TMEM94: variants seen among roughly 807,000 people sequenced by gnomAD.
TMEM94 encodes the protein transmembrane protein 94.
TMEM94 carries 81 observed loss-of-function variants against 158.6 expected under a neutral mutation model. The ratio of observed to expected loss-of-function variants is 0.51; its 90% CI spans 0.43 to 0.61. TMEM94 has a LOEUF of 0.61. TMEM94 is among the 20% of genes least tolerant of loss of function. The pLI, the probability that TMEM94 is intolerant of heterozygous loss-of-function variation, is 0.00. For synonymous variants in TMEM94, 751 were observed against 730.7 expected (o/e 1.03, Z -0.45); for missense variants, 1,435 against 1,762.0 (o/e 0.81, Z 3.32).
chr17:75,475,322 G>A (rs114561361), intron 2 of TMEM94, among the ~76,000 whole-genome samples: 122 of 152,328 alleles, frequency 8.0e-4, no homozygotes, highest in African/African-American at 2.8e-3. Flanking sequence ...GAAAGGGAAT[G>A]GGGAGGCTGG....
At position 75,496,036 on chromosome 17, in the gene TMEM94, C is replaced by A; in HGVS notation, c.3015C>A (p.Asn1005Lys). Reference sequence around the variant, plus strand: ...CCTGCTGCCTGGGCAGCTCTGCCAACCTGCGGAACAGCTGCCTCTTCCTCC... The same window carrying A: ...CCTGCTGCCTGGGCAGCTCTGCCAAACTGCGGAACAGCTGCCTCTTCCTCC... ...EVTCCLGSSA[N>K]LRNSCLFLQS... The change falls in exon 23 of 32, where the codon AAC becomes AAA. Residue 1005 changes from asparagine to lysine, a missense_variant. This residue lies in a region of TMEM94 where 49 missense variants were observed against 98.5 expected (regional missense o/e 0.50). Coordinates refer to ENST00000314256, the MANE Select transcript of TMEM94 (RefSeq NM_014738.6). 6.2e-7 allele frequency: 1 copy of A among 1,613,278 alleles called. No individual in the cohort carries two copies. The highest frequency in any genetic ancestry group is 8.5e-7 in the Non-Finnish European group (1 of 1,179,924).
At chr17:75,472,058 T>C in intron 2 of TMEM94, 129 bp downstream of exon 2, 1 of 881,384 alleles carries the variant, frequency 1.1e-6, no homozygotes, top group Non-Finnish European at 1.9e-6. Context: ...GGCAAGGCTC[T>C]GAGTCTTGGG....
intron 1 of TMEM94, among the ~76,000 whole-genome samples, chr17:75,458,496 G>A (rs1159738580): frequency 5.9e-5 from 9 of 151,538 alleles, no homozygotes; most frequent in Admixed American, 5.9e-4. Flanking sequence ...GAGCCCAGGA[G>A]TTTGAGATCA....
At chr17:75,461,734 TAACATGGTG>T (rs1252966316) in intron 1 of TMEM94, among the ~76,000 whole-genome samples, 5 of 151,316 alleles carry the variant, frequency 3.3e-5, no homozygotes, top group African/African-American at 1.2e-4. Flanking sequence ...CCATCCTGGC[TAACATGGTG>T]AAACCCCGTC....
In TMEM94 at chr17:75,499,608, G is replaced by A. The variant is rs973376496; in HGVS notation, c.*274G>A. On this transcript the variant is annotated 3_prime_UTR_variant, in exon 32 of 32. Transcript: ENST00000314256. ...GTATGGCCTCAGGCGCTCCCTAGAGGGGCCCTAAACCCCCTCACCTGTGAG... is the reference window on the plus strand; with the variant it reads ...GTATGGCCTCAGGCGCTCCCTAGAGAGGCCCTAAACCCCCTCACCTGTGAG... 2.7e-5 allele frequency: 14 copies of A among 519,934 alleles called. No homozygotes were observed. The South Asian group carries it at 3.3e-4, about 12-fold the overall frequency. The allele number at this position is 519,934 out of a possible 1,614,324, so 32.2% of individuals were successfully genotyped here.
At chr17:75,468,741 G>A (rs2050393558) in intron 1 of TMEM94, among the ~76,000 whole-genome samples, 1 of 152,192 alleles carries the variant, frequency 6.6e-6, no homozygotes, top group South Asian at 2.1e-4. Flanking sequence ...TTTTGGAGTG[G>A]AGTTGGTGGC....
chr17:75,497,126 T>C lies in TMEM94; in HGVS notation c.3335T>C (p.Leu1112Pro). The change falls in exon 26 of 32, where the codon CTG becomes CCG. Residue 1112 changes from leucine to proline, a missense_variant. Physicochemically the swap from Leu to Pro is moderately conservative, Grantham distance 98. Transcript: ENST00000314256. Reference sequence around the variant, plus strand: ...TTCCTGGTCTAGTTCCTTTCTTGCCTGGTCCAGCTGCCGCCACTCCTGAGT... The same window carrying C: ...TTCCTGGTCTAGTTCCTTTCTTGCCCGGTCCAGCTGCCGCCACTCCTGAGT... ...TLVVIQFLSC[L>P]VQLPPLLSTT... 6.2e-7 allele frequency: 1 copy of C among 1,614,118 alleles called. No homozygotes were observed. The highest frequency in any genetic ancestry group is 8.5e-7 in the Non-Finnish European group (1 of 1,179,958).
Position 75,489,501 on chromosome 17 carries a change from A to C in TMEM94, c.868-75A>C. 6.7e-7 allele frequency: 1 copy of C among 1,503,402 alleles called. No individual in the cohort carries two copies. The highest frequency in any genetic ancestry group is 1.7e-5 in the Admixed American group (1 of 59,722). The allele number at this position is 1,503,402 out of a possible 1,614,324, so 93.1% of individuals were successfully genotyped here. A position where few individuals can be genotyped will look rare whatever the true frequency, so the allele number is the denominator to read the frequency against. On this transcript the variant is annotated intron_variant, in intron 8 of 31. Coordinates refer to ENST00000314256, the MANE Select transcript of TMEM94 (RefSeq NM_014738.6). The surrounding 1 kb of genome is among the most constrained non-coding windows in gnomAD (Gnocchi z 5.0). ...GAGTGAGCCAGCCTGTGGAGTAGCA[A>C]AGGAAGGGGAACGGCAGTGCCTGGG...
In TMEM94 at chr17:75,485,944, T is replaced by C. The variant is rs375551454; in HGVS notation, c.218T>C (p.Met73Thr). ...SCFHWPGASL[M>T]LLAVLLLLGC... Reference sequence around the variant, plus strand: ...TTCCACTGGCCGGGGGCCTCACTCATGCTACTGGCCGTGCTGCTGCTGCTG... The same window carrying C: ...TTCCACTGGCCGGGGGCCTCACTCACGCTACTGGCCGTGCTGCTGCTGCTG... The change falls in exon 4 of 32, where the codon ATG becomes ACG. Residue 73 changes from methionine (M) to threonine (T), a missense_variant. Around this residue, in one of 3 missense-constraint regions of TMEM94, gnomAD observed 1,051 missense variants for 1,254.4 expected, o/e 0.84. Coordinates refer to ENST00000314256, the MANE Select transcript of TMEM94 (RefSeq NM_014738.6). This position sits in a 1 kb window ranked among gnomAD's most constrained non-coding sequence, Gnocchi z 5.5. The C allele has an allele frequency of 1.2e-6, 2 of 1,613,754 alleles. No individual in the cohort carries two copies.
At chr17:75,468,426 A>G (rs1389475783) in intron 1 of TMEM94, among the ~76,000 whole-genome samples, 2 of 152,170 alleles carry the variant, frequency 1.3e-5, no homozygotes, top group African/African-American at 4.8e-5. Flanking sequence ...CTGTGTGGCA[A>G]CGATCTCATC....
intron 5 of TMEM94, among the ~76,000 whole-genome samples, chr17:75,486,703 G>C (rs1051005760): frequency 2.6e-5 from 4 of 152,352 alleles, no homozygotes; most frequent in Admixed American, 1.3e-4. Flanking sequence ...AAACCAACAG[G>C]GAAGTCCTCT....
At chr17:75,483,352 A>G (rs1279643295) in intron 2 of TMEM94, among the ~76,000 whole-genome samples, 1 of 152,170 alleles carries the variant, frequency 6.6e-6, no homozygotes, top group Non-Finnish European at 1.5e-5. Flanking sequence ...TTGGGCAAGC[A>G]TAAGGCCAGG....
chr17:75,497,681 A>C, intron 26 of TMEM94, 100 bp from the exon 27 acceptor site: 1 of 892,620 alleles, frequency 1.1e-6, no homozygotes, highest in Non-Finnish European at 1.8e-6. Flanking sequence ...CCCTCACCAG[A>C]CTCGACCTCA....
intron 1 of TMEM94, among the ~76,000 whole-genome samples, chr17:75,468,749 G>C (rs2050393938): frequency 6.6e-6 from 1 of 152,168 alleles, no homozygotes; most frequent in East Asian, 1.9e-4. Context: ...TGGAGTTGGT[G>C]GCAGAACCTG....
Position 75,491,292 on chromosome 17 carries a change from T to G in TMEM94, c.1234-11T>G, listed in dbSNP as rs1254329976. 3 of 1,613,638 alleles carry G rather than the reference T, an allele frequency of 1.9e-6. No homozygotes were observed. Among genetic ancestry groups the G allele is most frequent in the Non-Finnish European group, 2.5e-6 (3 of 1,179,730 alleles). On this transcript the variant is annotated splice_polypyrimidine_tract_variant and intron_variant, in intron 12 of 31. Coordinates refer to ENST00000314256, the MANE Select transcript of TMEM94 (RefSeq NM_014738.6). The surrounding 1 kb of genome is among the most constrained non-coding windows in gnomAD (Gnocchi z 5.1). ...CAGGCCCCTTTCCTATCTCAAATGC[T>G]TTCCATGCAGGTCCTGTGCTGTGTG...
intron 1 of TMEM94, among the ~76,000 whole-genome samples, chr17:75,463,104 GTGTA>G (rs1186295827): frequency 4.6e-4 from 4 of 8,768 alleles, no homozygotes; most frequent in African/African-American, 1.7e-3. Flanking sequence ...ATATATATGT[GTGTA>G]TATATATGTA....
chr17:75,476,462 C>G, intron 2 of TMEM94: 1 of 1,373,952 alleles, frequency 7.3e-7, no homozygotes, highest in South Asian at 1.7e-5. Flanking sequence ...GCCTCCTCCT[C>G]CCTCCCTGAA....
At chr17:75,477,093 C>T (rs2050734818) in intron 2 of TMEM94, among the ~76,000 whole-genome samples, 1 of 152,084 alleles carries the variant, frequency 6.6e-6, no homozygotes, top group Non-Finnish European at 1.5e-5. Context: ...CCAATGAAGG[C>T]ACTTTGAAGG....
chr17:75,478,327 C>A (rs1242255161), intron 2 of TMEM94, among the ~76,000 whole-genome samples: 7 of 49,148 alleles, frequency 1.4e-4, no homozygotes, highest in South Asian at 9.1e-4. Context: ...GAGACTCCAT[C>A]TTAAAAAAAA....
Sources: allele counts gnomAD v4.1 joint callset (sites outside exome capture counted in the v4.1 genomes callset), GRCh38; gene constraint gnomAD v4.1.1; regional missense constraint gnomAD v4.1.1; non-coding constraint Gnocchi (gnomAD v3.1); transcripts MANE v1.5; gene names NCBI Gene and HGNC (gene_info 2026-07-23, HGNC 2026-07-21).